SLC4A4: variants seen among roughly 807,000 people sequenced by gnomAD.
The protein encoded by SLC4A4 is electrogenic sodium bicarbonate cotransporter 1.
SLC4A4 carries 27 observed loss-of-function variants against 111.5 expected under a neutral mutation model. The ratio of observed to expected loss-of-function variants is 0.24; its 90% CI spans 0.18 to 0.33. The LOEUF is 0.33. Among genes scored for constraint, SLC4A4 ranks in the 10% least tolerant of loss-of-function variants. SLC4A4 has a pLI of 1.00. For synonymous variants in SLC4A4, 443 were observed against 463.4 expected, an observed-to-expected ratio of 0.96 and a Z score of 0.57; for missense variants, 909 against 1,315.5, an observed-to-expected ratio of 0.69 and a Z score of 4.78.
intron 6 of SLC4A4, among the ~76,000 whole-genome samples, chr4:71,381,495 C>T (rs575401898): frequency 6.6e-5 from 10 of 152,236 alleles, no homozygotes; most frequent in East Asian, 5.8e-4. Context: ...CAGTGATTAT[C>T]GTAACCTCAG....
At chr4:71,222,306 A>G (rs1718792648) in intron 1 of SLC4A4, among the ~76,000 whole-genome samples, 1 of 152,086 alleles carries the variant, frequency 6.6e-6, no homozygotes, top group Non-Finnish European at 1.5e-5. Context: ...CTCTCACATA[A>G]CTGCAAGTCT....
intron 1 of SLC4A4, among the ~76,000 whole-genome samples, chr4:71,213,197 C>T (rs1483270312): frequency 6.6e-6 from 1 of 152,170 alleles, no homozygotes; most frequent in Non-Finnish European, 1.5e-5. Context: ...CTGCATAAGA[C>T]CTGATGATAA....
intron 18 of SLC4A4, among the ~76,000 whole-genome samples, chr4:71,534,612 A>G (rs1216509968): frequency 6.6e-6 from 1 of 151,956 alleles, no homozygotes; most frequent in Non-Finnish European, 1.5e-5. Context: ...TTCAAATCAT[A>G]TTTCTTTCAC....
At chr4:71,249,839 G>A (rs1186820021) in intron 2 of SLC4A4, among the ~76,000 whole-genome samples, 3 of 151,232 alleles carry the variant, frequency 2.0e-5, no homozygotes, top group African/African-American at 4.9e-5. Context: ...AGCCGAGATC[G>A]TGCTACTGCA....
At chr4:71,128,096 C>T (rs1038700905) in intron 2 of SLC4A4, among the ~76,000 whole-genome samples, 7 of 152,114 alleles carry the variant, frequency 4.6e-5, no homozygotes, top group South Asian at 2.1e-4. Context: ...TCTGTTTTCA[C>T]GCCACTGATA....
At chr4:71,109,734 G>T (rs1235210536) in intron 2 of SLC4A4, among the ~76,000 whole-genome samples, 1 of 151,920 alleles carries the variant, frequency 6.6e-6, no homozygotes, top group African/African-American at 2.4e-5. Context: ...ATAGAGATGG[G>T]TTTTCACTAT....
chr4:71,240,549 C>A (rs1403516118), intron 2 of SLC4A4, among the ~76,000 whole-genome samples: 1 of 152,092 alleles, frequency 6.6e-6, no homozygotes, highest in African/African-American at 2.4e-5. Flanking sequence ...GAAGTATGCA[C>A]CCATCTGTCC....
intron 2 of SLC4A4, among the ~76,000 whole-genome samples, chr4:71,178,266 C>A (rs1288948417): frequency 1.3e-5 from 2 of 150,494 alleles, no homozygotes; most frequent in African/African-American, 4.9e-5. Flanking sequence ...GCACATGTAC[C>A]CTAAAACTTA....
intron 1 of SLC4A4, among the ~76,000 whole-genome samples, chr4:71,066,215 G>A (rs1578446724): frequency 1.3e-5 from 2 of 152,324 alleles, no homozygotes; most frequent in East Asian, 3.9e-4. Context: ...TAATAATGCT[G>A]AGATTTGAAC....
chr4:71,313,317 T>C (rs1285102958), intron 3 of SLC4A4, among the ~76,000 whole-genome samples: 1 of 152,174 alleles, frequency 6.6e-6, no homozygotes, highest in East Asian at 1.9e-4. Flanking sequence ...TGCTCATGGA[T>C]ACAAGAATCA....
chr4:71,127,199 A>G (rs562246307), intron 2 of SLC4A4, among the ~76,000 whole-genome samples: 1 of 152,302 alleles, frequency 6.6e-6, no homozygotes, highest in South Asian at 2.1e-4. Flanking sequence ...TCTTACCTTA[A>G]TCTCACCTTT....
At position 71,068,960 on chromosome 4, in the gene SLC4A4, T is replaced by G. The variant is rs915966899; in HGVS notation, c.-65+6172T>G. Among the ~76,000 whole-genome samples, 5 of 152,350 alleles carry G rather than the reference T, an allele frequency of 3.3e-5. No individual in the cohort carries two copies. In the South Asian group the frequency reaches 1.0e-3, roughly 32 times the overall value. The stretch of plus-strand genomic sequence containing the variant: ...AGGATTAGGAATAAGTTCAGTCTTT[T>G]GTCATGACATATATGACAGTTGTGA... On this transcript the variant is annotated intron_variant, in intron 1 of 26. Transcript: ENST00000649996.
intron 7 of SLC4A4, among the ~76,000 whole-genome samples, chr4:71,432,307 C>T (rs1012506652): frequency 9.2e-5 from 14 of 152,052 alleles, no homozygotes; most frequent in Admixed American, 3.9e-4. Flanking sequence ...GTGTTAATAA[C>T]GGGAACTCTC....
chr4:71,444,663 A>C (rs1725066046), intron 8 of SLC4A4, among the ~76,000 whole-genome samples: 1 of 152,214 alleles, frequency 6.6e-6, no homozygotes, highest in Non-Finnish European at 1.5e-5. Flanking sequence ...TCAATCATAA[A>C]AGTTGTAACA....
intron 6 of SLC4A4, among the ~76,000 whole-genome samples, chr4:71,374,192 T>C (rs78292292): frequency 0.013 from 1,912 of 152,342 alleles, 44 homozygotes; most frequent in African/African-American, 0.044. Context: ...TGAGCATTCT[T>C]ATCTTGATTC....
At chr4:71,334,877 A>G (rs753498245) in intron 3 of SLC4A4, among the ~76,000 whole-genome samples, 3 of 152,206 alleles carry the variant, frequency 2.0e-5, no homozygotes, top group Non-Finnish European at 4.4e-5. Flanking sequence ...AGGGATATGT[A>G]GTATCTATGC....
chr4:71,402,320 A>T (rs1400832380), intron 7 of SLC4A4, among the ~76,000 whole-genome samples: 1 of 152,208 alleles, frequency 6.6e-6, no homozygotes, highest in Admixed American at 6.5e-5. Flanking sequence ...AAGTCCACTG[A>T]GATGACTTTT....
intron 1 of SLC4A4, among the ~76,000 whole-genome samples, chr4:71,083,528 G>A (rs1156535830): frequency 1.3e-5 from 2 of 151,634 alleles, no homozygotes; most frequent in Non-Finnish European, 2.9e-5. Context: ...TACCTTATTT[G>A]TCTCCAATGT....
intron 23 of SLC4A4, among the ~76,000 whole-genome samples, chr4:71,563,072 A>C (rs1002767552): frequency 6.6e-6 from 1 of 151,754 alleles, no homozygotes; most frequent in Non-Finnish European, 1.5e-5. Context: ...ATCTATTATA[A>C]TTTGGGCTAG....
Sources: gnomAD v4.1 joint callset for allele counts (sites outside exome capture counted in the v4.1 genomes callset) on GRCh38, gnomAD v4.1.1 for gene constraint, MANE v1.5 for transcripts, NCBI Gene and HGNC (gene_info 2026-07-23, HGNC 2026-07-21) for gene names.